The following ABCC9 variants were observed in gnomAD, a reference collection of about 807,000 sequenced individuals.
The protein encoded by ABCC9 is ATP binding cassette subfamily C member 9, also known as ATP-binding cassette sub-family C member 9.
In ABCC9, 95 loss-of-function variants were observed where a neutral mutation model predicts 188.3. The observed-to-expected ratio is 0.50, with a 90% CI of 0.43 to 0.60. The LOEUF (loss-of-function observed/expected upper bound fraction) is 0.60, where lower values mean the gene tolerates loss of function less well. ABCC9 is among the 20% of genes least tolerant of loss of function. The pLI is 0.00. For synonymous variants in ABCC9, 659 were observed against 652.7 expected, an observed-to-expected ratio of 1.01 and a Z score of -0.15; for missense variants, 1,102 against 1,876.3, an observed-to-expected ratio of 0.59 and a Z score of 7.62.
Position 21,797,716 on chromosome 12 carries a change from T to C in ABCC9, c.*3328A>G, listed in dbSNP as rs1238944654. On this transcript the variant is annotated 3_prime_UTR_variant, in exon 40 of 40. Transcript: ENST00000261200. Reference sequence around the variant, plus strand: ...TTCTGGTATCTAATCTAGAGCTGAGTAGACTTTTAAATGGATCATGAGTAA... The same window carrying C: ...TTCTGGTATCTAATCTAGAGCTGAGCAGACTTTTAAATGGATCATGAGTAA... 6.6e-6 allele frequency: 1 copy of C among 152,170 alleles called. No individual in the cohort carries two copies. Among genetic ancestry groups the C allele is most frequent in the Non-Finnish European group, 1.5e-5 (1 of 68,028 alleles). 9.4% of individuals were successfully genotyped at this position (152,170 alleles called of 1,614,324 possible). A position where few individuals can be genotyped will look rare whatever the true frequency, so the allele number is the denominator to read the frequency against.
chr12:21,815,966 C>T, intron 33 of ABCC9, 73 bp from the exon 34 acceptor site: 1 of 1,050,158 alleles, frequency 9.5e-7, no homozygotes. Context: ...TGTATACATA[C>T]TTAAATACAT....
At chr12:21,803,848 A>C (rs114956096) in intron 39 of ABCC9, among the ~76,000 whole-genome samples, 200 of 152,246 alleles carry the variant, frequency 1.3e-3, no homozygotes, top group African/African-American at 4.7e-3. Context: ...ACCATGGACT[A>C]TTTTGGTGTG....
At chr12:21,845,302 C>T (rs1045910048) in intron 26 of ABCC9, among the ~76,000 whole-genome samples, 2 of 151,728 alleles carry the variant, frequency 1.3e-5, no homozygotes, top group African/African-American at 4.8e-5. Context: ...ACAAAAAGGT[C>T]CTCTGTGTGT....
chr12:21,864,259 T>C (rs1215177225), intron 19 of ABCC9, among the ~76,000 whole-genome samples, 180 bp downstream of exon 19: 1 of 152,116 alleles, frequency 6.6e-6, no homozygotes, highest in Non-Finnish European at 1.5e-5. Context: ...AGCCACTTTG[T>C]TTGGTAAATT....
intron 12 of ABCC9, among the ~76,000 whole-genome samples, chr12:21,902,620 G>T (rs1188599319): frequency 4.6e-5 from 7 of 152,106 alleles, no homozygotes; most frequent in Non-Finnish European, 1.0e-4. Context: ...TATCACCACT[G>T]ATCCCACAGA....
At chr12:21,875,840 T>C (rs1026726317) in intron 16 of ABCC9, 114 bp from the exon 17 acceptor site, 2 of 765,078 alleles carry the variant, frequency 2.6e-6, no homozygotes, top group African/African-American at 3.5e-5. Flanking sequence ...ATCACAGCAC[T>C]TTGGGAGACC....
chr12:21,872,562 C>T (rs576548402), intron 18 of ABCC9, 63 bp downstream of exon 18: 3 of 1,291,844 alleles, frequency 2.3e-6, no homozygotes, highest in East Asian at 2.3e-5. Context: ...TGTCTAAGTT[C>T]TTTCCTTGGA....
chr12:21,933,381 A>T (rs1455017249), intron 4 of ABCC9, among the ~76,000 whole-genome samples: 1 of 152,014 alleles, frequency 6.6e-6, no homozygotes, highest in Non-Finnish European at 1.5e-5. Context: ...TTAAAATAAA[A>T]GTTTAAAAAA....
intron 30 of ABCC9, among the ~76,000 whole-genome samples, chr12:21,834,980 G>A (rs1047740814): frequency 1.3e-5 from 2 of 152,022 alleles, no homozygotes; most frequent in Admixed American, 6.6e-5. Flanking sequence ...CATAAACAAG[G>A]CATTGGTTTG....
chr12:21,928,368 AAG>A (rs1949131364), intron 4 of ABCC9, among the ~76,000 whole-genome samples: 1 of 144,420 alleles, frequency 6.9e-6, no homozygotes, highest in South Asian at 2.3e-4. Context: ...AAGAAAGAAA[AAG>A]AAAAAGAGAG....
intron 15 of ABCC9, among the ~76,000 whole-genome samples, chr12:21,885,379 A>T (rs1290073480): frequency 2.0e-5 from 3 of 152,102 alleles, no homozygotes; most frequent in Non-Finnish European, 4.4e-5. Flanking sequence ...TTTGAAGGGG[A>T]TTCTTTTTTT....
chr12:21,862,835 G>T, intron 20 of ABCC9, 118 bp downstream of exon 20: 1 of 714,148 alleles, frequency 1.4e-6, no homozygotes, highest in Non-Finnish European at 2.5e-6. Context: ...GATGAAAACG[G>T]GGCCAGCAGG....
intron 5 of ABCC9, 127 bp from the exon 6 acceptor site, chr12:21,917,230 C>T (rs1158222609): frequency 3.8e-5 from 38 of 990,226 alleles, no homozygotes; most frequent in Non-Finnish European, 4.9e-5. Flanking sequence ...CATGGTTTTA[C>T]TTGGTAAGAA....
At chr12:21,822,580 A>C (rs1188342978) in intron 31 of ABCC9, among the ~76,000 whole-genome samples, 2 of 152,062 alleles carry the variant, frequency 1.3e-5, no homozygotes, top group African/African-American at 4.8e-5. Flanking sequence ...CGGTCAGATC[A>C]CGAGGTCAGG....
chr12:21,895,215 A>G, intron 13 of ABCC9, 60 bp downstream of exon 13: 1 of 1,464,250 alleles, frequency 6.8e-7, no homozygotes, highest in Non-Finnish European at 9.6e-7. Context: ...ATTCTTGCTC[A>G]TAAATCATTT....
chr12:21,838,070 T>C lies in ABCC9; in HGVS notation c.3566+8A>G, dbSNP rs1177682655. 6.2e-7 allele frequency: 1 copy of C among 1,603,128 alleles called. No individual in the cohort carries two copies. The highest frequency in any genetic ancestry group is 1.7e-5 in the Admixed American group (1 of 60,000). On this transcript the variant is annotated splice_region_variant and intron_variant, in intron 30 of 39. Coordinates refer to ENST00000261200, the MANE Select transcript of ABCC9 (RefSeq NM_020297.4). ...CTAGTCAGCTAATATAAAAATGTGTTTACTCACCTAAAGGCCCGAATGGTG... is the reference window on the plus strand; with the variant it reads ...CTAGTCAGCTAATATAAAAATGTGTCTACTCACCTAAAGGCCCGAATGGTG...
chr12:21,863,426 A>T (rs930486242), intron 19 of ABCC9, among the ~76,000 whole-genome samples: 5 of 152,080 alleles, frequency 3.3e-5, no homozygotes, highest in African/African-American at 1.2e-4. Flanking sequence ...GCACTTTATT[A>T]ACTATAAATT....
At position 21,827,107 on chromosome 12, in the gene ABCC9, C is replaced by A. The variant is rs1053689799; in HGVS notation, c.3669+1851G>T. 17 of 985,166 alleles carry A rather than the reference C, an allele frequency of 1.7e-5. No individual in the cohort carries two copies. In the South Asian group the frequency reaches 7.5e-4, roughly 44 times the overall value. The allele number at this position is 985,166 out of a possible 1,614,324, so 61.0% of individuals were successfully genotyped here. A position where few individuals can be genotyped will look rare whatever the true frequency, so the allele number is the denominator to read the frequency against. On this transcript the variant is annotated intron_variant, in intron 31 of 39. Coordinates refer to ENST00000261200, the MANE Select transcript of ABCC9 (RefSeq NM_020297.4). ...TTAGACAGGTTCAACTGCTTTTTCA[C>A]GTGGGGGTTAAAGTATTGGGTTATG...
At chr12:21,908,553 AG>A (rs1317856064) in intron 10 of ABCC9, among the ~76,000 whole-genome samples, 1 of 151,990 alleles carries the variant, frequency 6.6e-6, no homozygotes, top group African/African-American at 2.4e-5. Flanking sequence ...GATTTTTAAA[AG>A]GGCATAAATT....
Sources: allele counts gnomAD v4.1 joint callset (sites outside exome capture counted in the v4.1 genomes callset), GRCh38; gene constraint gnomAD v4.1.1; transcripts MANE v1.5; gene names NCBI Gene and HGNC (gene_info 2026-07-23, HGNC 2026-07-21).